The following RIMS2 variants were observed in gnomAD, a reference collection of about 807,000 sequenced individuals.
RIMS2 encodes the protein regulating synaptic membrane exocytosis protein 2.
Under a neutral mutation model 174.4 loss-of-function variants are expected in RIMS2, and 59 were observed. The observed-to-expected ratio is 0.34, with a 90% CI of 0.27 to 0.42. The LOEUF (loss-of-function observed/expected upper bound fraction) is 0.42, where lower values mean the gene tolerates loss of function less well. Ranked by LOEUF, RIMS2 falls within the 10% of genes least tolerant of loss-of-function variation. The probability of loss-of-function intolerance (pLI) is 1.00; values close to 1 mark genes in which losing one functional copy is unlikely to be tolerated. For missense variants in RIMS2, 1,620 were observed against 1,666.3 expected (o/e 0.97, Z 0.48); for synonymous variants, 606 against 572.5 (o/e 1.06, Z -0.84).
At chr8:103,593,322 C>G (rs2094343934) in intron 1 of RIMS2, among the ~76,000 whole-genome samples, 1 of 151,344 alleles carries the variant, frequency 6.6e-6, no homozygotes, top group Non-Finnish European at 1.5e-5. Context: ...TCCAGCTGAC[C>G]AATGTGTGCT....
intron 3 of RIMS2, among the ~76,000 whole-genome samples, chr8:103,862,943 G>T (rs2099066213): frequency 6.6e-6 from 1 of 152,076 alleles, no homozygotes; most frequent in Admixed American, 6.6e-5. Context: ...ATTTGGATGT[G>T]TTTTATTTAT....
intron 1 of RIMS2, among the ~76,000 whole-genome samples, chr8:103,632,636 G>C (rs909539206): frequency 1.3e-5 from 2 of 151,254 alleles, no homozygotes; most frequent in Non-Finnish European, 2.9e-5. Context: ...GGCCAGGCTG[G>C]TCTGGAACTC....
intron 1 of RIMS2, among the ~76,000 whole-genome samples, chr8:103,555,397 C>A: frequency 6.6e-6 from 1 of 151,930 alleles, no homozygotes; most frequent in East Asian, 1.9e-4. Context: ...GAGAAGGTAA[C>A]CCTTACACAT....
At chr8:103,990,817 T>A (rs1226174696) in intron 17 of RIMS2, among the ~76,000 whole-genome samples, 1 of 152,040 alleles carries the variant, frequency 6.6e-6, no homozygotes, top group Non-Finnish European at 1.5e-5. Context: ...ATGTAAAGTT[T>A]TATTTTAATG....
At chr8:104,203,411 G>A (rs1383810456) in intron 19 of RIMS2, among the ~76,000 whole-genome samples, 2 of 150,774 alleles carry the variant, frequency 1.3e-5, no homozygotes, top group African/African-American at 2.4e-5. Flanking sequence ...ACTAAGTGAA[G>A]AGAGCAACTT....
At chr8:103,904,621 C>A (rs2154525351) in intron 4 of RIMS2, among the ~76,000 whole-genome samples, 1 of 152,162 alleles carries the variant, frequency 6.6e-6, no homozygotes. Context: ...ACCAGTCTTG[C>A]ATTCCAGGAA....
chr8:103,877,071 A>T (rs2099144898), intron 3 of RIMS2, among the ~76,000 whole-genome samples: 1 of 150,988 alleles, frequency 6.6e-6, no homozygotes, highest in Non-Finnish European at 1.5e-5. Context: ...TTGGGTAGAT[A>T]CCCAGTTGTG....
chr8:103,815,403 C>T (rs1346645927), intron 3 of RIMS2, among the ~76,000 whole-genome samples: 2 of 152,060 alleles, frequency 1.3e-5, no homozygotes, highest in African/African-American at 2.4e-5. Flanking sequence ...TTTTCTGTCA[C>T]GAAATTGCCT....
intron 19 of RIMS2, among the ~76,000 whole-genome samples, chr8:104,093,968 G>A (rs182854743): frequency 8.6e-5 from 13 of 151,862 alleles, no homozygotes; most frequent in African/African-American, 3.1e-4. Flanking sequence ...AATTTTTCAT[G>A]TTCCAAGGAA....
At chr8:103,717,149 T>C (rs1225715255) in intron 2 of RIMS2, among the ~76,000 whole-genome samples, 1 of 149,956 alleles carries the variant, frequency 6.7e-6, no homozygotes, top group Admixed American at 6.6e-5. Context: ...TTTTTTTTTT[T>C]TTTTTTTTTC....
At chr8:103,696,988 AT>A (rs1449528163) in intron 1 of RIMS2, 97 bp from the exon 4 acceptor site, 10 of 665,976 alleles carry the variant, frequency 1.5e-5, no homozygotes, top group African/African-American at 1.5e-4. Flanking sequence ...CTCATCTTGT[AT>A]TTTTTTGGTT....
chr8:103,786,338 T>C (rs201116001), intron 3 of RIMS2, among the ~76,000 whole-genome samples: 3 of 152,066 alleles, frequency 2.0e-5, no homozygotes, highest in Non-Finnish European at 4.4e-5. Context: ...GCTCTTGCTT[T>C]TCTAGTTCTT....
intron 19 of RIMS2, among the ~76,000 whole-genome samples, chr8:104,136,712 C>T (rs953113305): frequency 6.6e-6 from 1 of 152,078 alleles, no homozygotes; most frequent in African/African-American, 2.4e-5. Context: ...AATTTAAATA[C>T]CACCTGTTCT....
intron 2 of RIMS2, among the ~76,000 whole-genome samples, chr8:103,758,964 G>T (rs1418243036): frequency 6.6e-6 from 1 of 152,134 alleles, no homozygotes; most frequent in Admixed American, 6.5e-5. Context: ...TCAAGCTGAG[G>T]GTATTTGGGG....
chr8:103,562,862 T>G (rs1012885661), intron 1 of RIMS2, among the ~76,000 whole-genome samples: 28 of 152,178 alleles, frequency 1.8e-4, no homozygotes, highest in Non-Finnish European at 4.4e-5. Context: ...CAGCTCTTGA[T>G]TTCTGTGCAC....
At chr8:103,740,143 T>C (rs2097744946) in intron 2 of RIMS2, among the ~76,000 whole-genome samples, 2 of 152,186 alleles carry the variant, frequency 1.3e-5, no homozygotes, top group Non-Finnish European at 2.9e-5. Flanking sequence ...TTCAGTAATA[T>C]GTAGCTTTTC....
chr8:103,746,313 T>C (rs1221889389), intron 2 of RIMS2, among the ~76,000 whole-genome samples: 1 of 152,220 alleles, frequency 6.6e-6, no homozygotes, highest in Non-Finnish European at 1.5e-5. Flanking sequence ...TGTCTATCCT[T>C]ATGCCAATAT....
At chr8:103,990,069 G>A (rs932701604) in intron 17 of RIMS2, among the ~76,000 whole-genome samples, 1 of 152,038 alleles carries the variant, frequency 6.6e-6, no homozygotes, top group African/African-American at 2.4e-5. Flanking sequence ...TAAGCAAATC[G>A]ATAAACTCTC....
exon 4 of RIMS2, chr8:103,885,975 A>C: frequency 6.2e-7 from 1 of 1,613,112 alleles, no homozygotes; most frequent in Non-Finnish European, 8.5e-7. Flanking sequence ...AAACAGCACC[A>C]CTTAGATCCT....
Sources: allele counts gnomAD v4.1 joint callset (sites outside exome capture counted in the v4.1 genomes callset), GRCh38; gene constraint gnomAD v4.1.1; transcripts MANE v1.5; gene names NCBI Gene and HGNC (gene_info 2026-07-23, HGNC 2026-07-21).